The following PXYLP1 variants were observed in gnomAD, a reference collection of about 807,000 sequenced individuals.
PXYLP1 encodes 2-phosphoxylose phosphatase 1.
In PXYLP1, 17 loss-of-function variants were observed where a neutral mutation model predicts 37.9. That is an observed-to-expected ratio of 0.45 (90% CI 0.31 to 0.67). The LOEUF (loss-of-function observed/expected upper bound fraction) is 0.67, where lower values mean the gene tolerates loss of function less well. Ranked by LOEUF, PXYLP1 falls within the 30% of genes least tolerant of loss-of-function variation. The probability of loss-of-function intolerance (pLI) is 0.07; values close to 1 mark genes in which losing one functional copy is unlikely to be tolerated. For synonymous variants in PXYLP1, 221 were observed against 232.2 expected (o/e 0.95, Z 0.44); for missense variants, 511 against 612.0 (o/e 0.84, Z 1.74).
chr3:141,284,863 C>T (rs886531569), intron 4 of PXYLP1, among the ~76,000 whole-genome samples: 2 of 152,108 alleles, frequency 1.3e-5, no homozygotes, highest in African/African-American at 4.8e-5. Flanking sequence ...TTTAACAAAC[C>T]GTATGGGAAC....
At chr3:141,234,175 A>T (rs999647043) in intron 1 of PXYLP1, 1 of 151,860 alleles carries the variant, frequency 6.6e-6, no homozygotes, top group Non-Finnish European at 1.5e-5. Flanking sequence ...AATGTGTCAT[A>T]TCACCAGAGA....
chr3:141,245,255 T>TA (rs1422533782), intron 1 of PXYLP1, among the ~76,000 whole-genome samples: 1 of 151,892 alleles, frequency 6.6e-6, no homozygotes, highest in Non-Finnish European at 1.5e-5. Flanking sequence ...CTCTACTAAA[T>TA]ATAGCTTTGT....
chr3:141,244,180 T>C (rs1026924505), intron 1 of PXYLP1, among the ~76,000 whole-genome samples: 9 of 152,222 alleles, frequency 5.9e-5, no homozygotes, highest in African/African-American at 1.9e-4. Flanking sequence ...AAAAAATTGT[T>C]ACTTTTACAA....
Position 141,292,118 on chromosome 3 carries a change from C to A in PXYLP1, c.506-150C>A, listed in dbSNP as rs949990346. On this transcript the variant is annotated intron_variant, in intron 5 of 5. Transcript: ENST00000286353. The surrounding 1 kb of genome is among the most constrained non-coding windows in gnomAD (Gnocchi z 4.3). Reference sequence around the variant, plus strand: ...CTCCCTTCACAAGCTGTTGTGAACTCGAGCTTGTAACTTCCACACCATGGG... The same window carrying A: ...CTCCCTTCACAAGCTGTTGTGAACTAGAGCTTGTAACTTCCACACCATGGG... 3 of 732,478 alleles carry A rather than the reference C, an allele frequency of 4.1e-6. No individual in the cohort carries two copies. The highest frequency in any genetic ancestry group is 1.8e-5 in the African/African-American group (1 of 56,642). 45.4% of individuals were successfully genotyped at this position (732,478 alleles called of 1,614,324 possible). A position where few individuals can be genotyped will look rare whatever the true frequency, so the allele number is the denominator to read the frequency against.
rs144430471 is a variant in PXYLP1, at chr3:141,278,494, A to C, written c.232A>C (p.Met78Leu). 6.2e-7 allele frequency: 1 copy of C among 1,614,162 alleles called. No homozygotes were observed. The highest frequency in any genetic ancestry group is 8.5e-7 in the Non-Finnish European group (1 of 1,180,006). Residue 78 changes from methionine to leucine, a missense_variant, in exon 3 of 6, where the codon ATG (methionine) becomes CTG (leucine). By Grantham distance (15) the Met-to-Leu change is conservative. Coordinates refer to ENST00000286353, the MANE Select transcript of PXYLP1 (RefSeq NM_001037172.3). The part of the protein sequence containing the change: ...CNIPSVAERS[M>L]EGHAPHHFKL... Reference sequence around the variant, plus strand: ...CATCCCCAGCGTGGCCGAGCGCAGCATGGAAGGTAGGCCTGACTGTGCCAC... The same window carrying C: ...CATCCCCAGCGTGGCCGAGCGCAGCCTGGAAGGTAGGCCTGACTGTGCCAC...
chr3:141,279,437 A>G lies in PXYLP1; in HGVS notation c.298A>G (p.Arg100Gly). ...GCATGTGTTCATTCGCCACGGAGAC[A>G]GGTACCCACTGTATGTCATTCCCAA... is the stretch of plus-strand genomic sequence containing the variant. ...SVHVFIRHGD[R>G]YPLYVIPKTK... The change falls in exon 4 of 6, where the codon AGG becomes GGG. Residue 100 changes from arginine (R) to glycine (G), a missense_variant. By Grantham distance (125) the Arg-to-Gly change is moderately radical (BLOSUM62 -2). Coordinates refer to ENST00000286353, the MANE Select transcript of PXYLP1 (RefSeq NM_001037172.3). The G allele has an allele frequency of 1.2e-6, 2 of 1,613,900 alleles. No homozygotes were observed. The highest frequency in any genetic ancestry group is 1.7e-6 in the Non-Finnish European group (2 of 1,179,788).
chr3:141,274,345 C>T, intron 2 of PXYLP1: 1 of 1,412,850 alleles, frequency 7.1e-7, no homozygotes, highest in South Asian at 1.5e-5. Flanking sequence ...GCCAACCTGA[C>T]CAGGCCTTAC....
intron 4 of PXYLP1, among the ~76,000 whole-genome samples, chr3:141,283,180 C>T (rs1941994561): frequency 6.6e-6 from 1 of 150,536 alleles, no homozygotes; most frequent in African/African-American, 2.5e-5. Flanking sequence ...GATGGGGTTT[C>T]ACCATGTTGG....
At chr3:141,277,183 G>A (rs1300018527) in intron 2 of PXYLP1, among the ~76,000 whole-genome samples, 4 of 152,196 alleles carry the variant, frequency 2.6e-5, no homozygotes, top group Non-Finnish European at 4.4e-5. Context: ...AAATATTTAT[G>A]TAGAAGAATT....
At chr3:141,279,314 G>GC (rs1216580563) in intron 3 of PXYLP1, 64 bp from the exon 4 acceptor site, 43 of 1,595,370 alleles carry the variant, frequency 2.7e-5, no homozygotes, top group Non-Finnish European at 3.5e-5. Context: ...CATCCCCTTG[G>GC]CCCCCTTCTA....
intron 2 of PXYLP1, among the ~76,000 whole-genome samples, chr3:141,260,526 C>A (rs866278925): frequency 4.3e-4 from 66 of 152,226 alleles, no homozygotes; most frequent in African/African-American, 1.5e-3. Flanking sequence ...CTGAGTGGCC[C>A]TGCTTGACTT....
At chr3:141,233,943 C>A (rs1490993962) in intron 1 of PXYLP1, among the ~76,000 whole-genome samples, 3 of 152,138 alleles carry the variant, frequency 2.0e-5, no homozygotes, top group African/African-American at 7.2e-5. Context: ...CTGTCAGATG[C>A]CCCACTGTGC....
chr3:141,266,437 C>A (rs980412352), intron 2 of PXYLP1, among the ~76,000 whole-genome samples: 2 of 151,964 alleles, frequency 1.3e-5, no homozygotes, highest in African/African-American at 2.4e-5. Context: ...TTGTGCCCTG[C>A]GGTGCAGATG....
At chr3:141,283,949 T>C (rs1419882633) in intron 4 of PXYLP1, among the ~76,000 whole-genome samples, 1 of 152,036 alleles carries the variant, frequency 6.6e-6, no homozygotes, top group Non-Finnish European at 1.5e-5. Context: ...ACTTGAAGGC[T>C]TAAGATAGTA....
intron 2 of PXYLP1, among the ~76,000 whole-genome samples, chr3:141,268,096 C>T (rs966920786): frequency 2.0e-5 from 3 of 151,570 alleles, no homozygotes; most frequent in African/African-American, 4.9e-5. Flanking sequence ...ATAGACCTGT[C>T]TCTATTGACT....
At chr3:141,290,362 C>T (rs955271511) in intron 5 of PXYLP1, among the ~76,000 whole-genome samples, 5 of 152,228 alleles carry the variant, frequency 3.3e-5, no homozygotes, top group Non-Finnish European at 5.9e-5. Context: ...CCTGTCTTCC[C>T]AGTGGCTGGT....
chr3:141,286,464 A>G (rs1942076498), intron 4 of PXYLP1, among the ~76,000 whole-genome samples: 1 of 152,222 alleles, frequency 6.6e-6, no homozygotes, highest in African/African-American at 2.4e-5. Flanking sequence ...CAGAAAAATT[A>G]AGGATTATGG....
intron 2 of PXYLP1, among the ~76,000 whole-genome samples, chr3:141,268,091 C>T (rs1429838828): frequency 6.6e-6 from 1 of 151,644 alleles, no homozygotes; most frequent in Non-Finnish European, 1.5e-5. Context: ...ATCACATAGA[C>T]CTGTCTCTAT....
At chr3:141,286,371 G>T (rs377616762) in intron 4 of PXYLP1, among the ~76,000 whole-genome samples, 2 of 152,138 alleles carry the variant, frequency 1.3e-5, no homozygotes, top group East Asian at 1.9e-4. Context: ...TGTCCAAAAC[G>T]TGGAGTGGAT....
Sources: allele counts gnomAD v4.1 joint callset (sites outside exome capture counted in the v4.1 genomes callset), GRCh38; gene constraint gnomAD v4.1.1; non-coding constraint Gnocchi (gnomAD v3.1); transcripts MANE v1.5; gene names NCBI Gene and HGNC (gene_info 2026-07-23, HGNC 2026-07-21).